The following PTPRK variants were observed in gnomAD, a reference collection of about 807,000 sequenced individuals.
PTPRK encodes receptor-type tyrosine-protein phosphatase kappa.
PTPRK carries 75 observed loss-of-function variants against 178.0 expected under a neutral mutation model. That is an observed-to-expected ratio of 0.42 (90% CI 0.35 to 0.51). The LOEUF (loss-of-function observed/expected upper bound fraction) is 0.51, where lower values mean the gene tolerates loss of function less well. PTPRK is among the 20% of genes least tolerant of loss of function. The pLI, the probability that PTPRK is intolerant of heterozygous loss-of-function variation, is 0.02. For missense variants in PTPRK, 1,441 were observed against 1,797.8 expected (o/e 0.80, Z 3.59); for synonymous variants, 637 against 620.6 (o/e 1.03, Z -0.39).
At chr6:128,453,324 G>A (rs780090420) in intron 1 of PTPRK, among the ~76,000 whole-genome samples, 12 of 152,114 alleles carry the variant, frequency 7.9e-5, no homozygotes, top group South Asian at 4.1e-4. Flanking sequence ...ATCTCCCAAC[G>A]TCTGCACCCC....
chr6:128,077,309 T>TA (rs1424252031), intron 11 of PTPRK, among the ~76,000 whole-genome samples: 1 of 152,070 alleles, frequency 6.6e-6, no homozygotes, highest in Non-Finnish European at 1.5e-5. Context: ...TGAACAGCAC[T>TA]ATATACGTAC....
chr6:128,277,119 G>GAA (rs776395296), intron 3 of PTPRK, among the ~76,000 whole-genome samples: 4 of 132,708 alleles, frequency 3.0e-5, no homozygotes, highest in African/African-American at 1.1e-4. Flanking sequence ...CAGTCTGAAA[G>GAA]AAAAAAAAAA....
intron 2 of PTPRK, among the ~76,000 whole-genome samples, chr6:128,355,702 C>T (rs564429604): frequency 5.9e-5 from 9 of 152,108 alleles, no homozygotes; most frequent in African/African-American, 2.2e-4. Flanking sequence ...TGTTAAATGA[C>T]GAGTTAATGG....
chr6:128,040,913 G>A (rs186049671), intron 13 of PTPRK, among the ~76,000 whole-genome samples: 1 of 152,156 alleles, frequency 6.6e-6, no homozygotes, highest in East Asian at 1.9e-4. Context: ...AAAATTAGAA[G>A]CTCAGTTGAG....
At position 128,110,082 on chromosome 6, in the gene PTPRK, T is replaced by G. The variant is rs547628112; in HGVS notation, c.1163-20090A>C. 5.3e-5 allele frequency among the ~76,000 whole-genome samples: 8 copies of G among 152,212 alleles called. No individual in the cohort carries two copies. The South Asian group carries it at 6.2e-4, about 12-fold the overall frequency. On this transcript the variant is annotated intron_variant, in intron 7 of 29. Coordinates refer to ENST00000368226, the MANE Select transcript of PTPRK (RefSeq NM_002844.4). ...CACCATGTTGATTTGTTTTATTTTT[T>G]GGGGCTACTTATTTTTATTTTTGTG... is the stretch of plus-strand genomic sequence containing the variant.
intron 3 of PTPRK, among the ~76,000 whole-genome samples, chr6:128,272,279 A>G (rs2128298000): frequency 6.6e-6 from 1 of 152,320 alleles, no homozygotes; most frequent in Middle Eastern, 3.4e-3. Flanking sequence ...AGGCAATACC[A>G]TTCAGGACAC....
intron 6 of PTPRK, among the ~76,000 whole-genome samples, chr6:128,204,009 A>G (rs988586923): frequency 6.6e-6 from 1 of 152,186 alleles, no homozygotes; most frequent in Admixed American, 6.5e-5. Flanking sequence ...GCATCATACT[A>G]CCCAACTTCT....
At chr6:128,488,147 T>C (rs1267215977) in intron 1 of PTPRK, among the ~76,000 whole-genome samples, 2 of 152,184 alleles carry the variant, frequency 1.3e-5, no homozygotes, top group African/African-American at 2.4e-5. Flanking sequence ...GGCAAATCAC[T>C]GGTGCAGGTC....
chr6:128,485,709 C>T (rs2128426147), intron 1 of PTPRK, among the ~76,000 whole-genome samples: 1 of 152,150 alleles, frequency 6.6e-6, no homozygotes, highest in Non-Finnish European at 1.5e-5. Context: ...AAAGTAATCA[C>T]CACCAAAGAA....
At chr6:128,471,626 A>C (rs913453691) in intron 1 of PTPRK, among the ~76,000 whole-genome samples, 57 of 145,602 alleles carry the variant, frequency 3.9e-4, no homozygotes, top group African/African-American at 1.4e-3. Context: ...AAAAAAAAAA[A>C]CTCACAACAA....
intron 2 of PTPRK, among the ~76,000 whole-genome samples, chr6:128,352,209 G>A (rs1162120704): frequency 3.2e-5 from 4 of 124,626 alleles, no homozygotes; most frequent in Non-Finnish European, 6.3e-5. Context: ...AGCAGAGATC[G>A]CACCACTGCC....
At chr6:128,316,453 G>A (rs1828006476) in intron 3 of PTPRK, among the ~76,000 whole-genome samples, 1 of 152,182 alleles carries the variant, frequency 6.6e-6, no homozygotes, top group Admixed American at 6.5e-5. Flanking sequence ...GGGTACTGTG[G>A]CAGCTGCCAC....
intron 3 of PTPRK, among the ~76,000 whole-genome samples, chr6:128,311,143 AT>A (rs1827185297): frequency 6.6e-6 from 1 of 152,130 alleles, no homozygotes; most frequent in African/African-American, 2.4e-5. Flanking sequence ...TAACAAAAAA[AT>A]AAATCTCTAC....
intron 1 of PTPRK, among the ~76,000 whole-genome samples, chr6:128,513,446 G>A (rs1857459175): frequency 6.8e-6 from 1 of 147,118 alleles, no homozygotes; most frequent in South Asian, 2.1e-4. Flanking sequence ...TCGTGCCACT[G>A]CACTCCAGCT....
intron 3 of PTPRK, among the ~76,000 whole-genome samples, chr6:128,281,876 C>T (rs866251378): frequency 3.9e-5 from 6 of 151,970 alleles, no homozygotes; most frequent in African/African-American, 7.2e-5. Context: ...TCTATCTTTA[C>T]GTATTTAGCT....
intron 3 of PTPRK, among the ~76,000 whole-genome samples, chr6:128,264,853 A>G (rs1818711905): frequency 1.3e-5 from 2 of 152,136 alleles, no homozygotes; most frequent in Admixed American, 1.3e-4. Flanking sequence ...TGTGATAGTG[A>G]ATAAATCTCA....
chr6:127,978,792 T>C (rs181768664), intron 25 of PTPRK, among the ~76,000 whole-genome samples: 123 of 152,304 alleles, frequency 8.1e-4, no homozygotes, highest in African/African-American at 2.5e-3. Flanking sequence ...GGAACATATG[T>C]AAGGCTTTGA....
intron 7 of PTPRK, among the ~76,000 whole-genome samples, chr6:128,177,060 A>G (rs1299968622): frequency 6.6e-6 from 1 of 151,772 alleles, no homozygotes; most frequent in African/African-American, 2.4e-5. Context: ...CTCTAGGTAA[A>G]GAGAAAGAAA....
intron 2 of PTPRK, among the ~76,000 whole-genome samples, chr6:128,353,647 A>G (rs1182245299): frequency 1.3e-5 from 2 of 152,224 alleles, no homozygotes; most frequent in African/African-American, 4.8e-5. Flanking sequence ...ATATACACAC[A>G]TATTCCATTT....
Sources: allele counts gnomAD v4.1 joint callset (sites outside exome capture counted in the v4.1 genomes callset), GRCh38; gene constraint gnomAD v4.1.1; transcripts MANE v1.5; gene names NCBI Gene and HGNC (gene_info 2026-07-23, HGNC 2026-07-21).